The following C1orf116 variants were observed in gnomAD, a reference collection of about 807,000 sequenced individuals.
C1orf116 encodes the protein specifically androgen-regulated gene protein.
Under a neutral mutation model 14.1 loss-of-function variants are expected in C1orf116, and 12 were observed. The ratio of observed to expected loss-of-function variants is 0.85; its 90% CI spans 0.54 to 1.38. The LOEUF (loss-of-function observed/expected upper bound fraction) is 1.38, where lower values mean the gene tolerates loss of function less well. Ranked by LOEUF, C1orf116 falls within the 40% of genes most tolerant of loss-of-function variation. The pLI, the probability that C1orf116 is intolerant of heterozygous loss-of-function variation, is 0.00. For missense variants in C1orf116, 797 were observed against 747.0 expected (o/e 1.07, Z -0.78); for synonymous variants, 296 against 299.0 (o/e 0.99, Z 0.10).
At position 207,020,641 on chromosome 1, in the gene C1orf116, A is replaced by G. The variant is rs759161304; in HGVS notation, c.*1317T>C. ...GGGAGAGGTGTTCTGGTTAATGATG[A>G]GTTACCATATAGCTATCTTCCAAAG... On this transcript the variant is annotated 3_prime_UTR_variant, in exon 4 of 4. Transcript: ENST00000359470. The G allele has an allele frequency of 1.3e-5, 2 of 152,188 alleles. No individual in the cohort carries two copies. Among genetic ancestry groups the G allele is most frequent in the Non-Finnish European group, 2.9e-5 (2 of 68,036 alleles). 9.4% of individuals were successfully genotyped at this position (152,188 alleles called of 1,614,324 possible).
At chr1:207,024,724 G>A (rs570374607) in intron 3 of C1orf116, among the ~76,000 whole-genome samples, 163 bp downstream of exon 3, 28 of 152,302 alleles carry the variant, frequency 1.8e-4, no homozygotes, top group African/African-American at 6.5e-4. Context: ...TTCCCTCCAG[G>A]GACAAGGCTC....
At chr1:207,027,964 C>A (rs758828596) in intron 1 of C1orf116, among the ~76,000 whole-genome samples, 39 of 152,228 alleles carry the variant, frequency 2.6e-4, no homozygotes, top group Admixed American at 3.9e-4. Context: ...TCTACATTTT[C>A]ATTACTATAA....
intron 1 of C1orf116, 122 bp downstream of exon 1, chr1:207,032,457 G>T: frequency 1.6e-6 from 1 of 612,502 alleles, no homozygotes; most frequent in Non-Finnish European, 2.0e-6. Context: ...TTGAGGAACA[G>T]AGAGGAAATC....
rs115470755 is a variant in C1orf116, at chr1:207,020,085, T to C, written c.*1873A>G. On this transcript the variant is annotated 3_prime_UTR_variant, in exon 4 of 4. Transcript: ENST00000359470. ...AGCTGAATATAGCATGTGGAATCAGTCCTCCAGAAGGCAGCTTTCTCTCTT... is the reference window on the plus strand; with the variant it reads ...AGCTGAATATAGCATGTGGAATCAGCCCTCCAGAAGGCAGCTTTCTCTCTT... 1.8e-3 allele frequency: 280 copies of C among 152,302 alleles called. 4 individuals carry two copies. Among genetic ancestry groups the C allele is most frequent in the African/African-American group, 6.3e-3 (262 of 41,556 alleles). The allele number at this position is 152,302 out of a possible 1,614,324, so 9.4% of individuals were successfully genotyped here. A position where few individuals can be genotyped will look rare whatever the true frequency, so the allele number is the denominator to read the frequency against.
At chr1:207,024,787 G>A in intron 3 of C1orf116, 100 bp downstream of exon 3, 1 of 1,391,488 alleles carries the variant, frequency 7.2e-7, no homozygotes, top group Non-Finnish European at 1.0e-6. Flanking sequence ...TTCTGCCTGT[G>A]ACCCTTGGGG....
Position 207,027,519 on chromosome 1 carries a change from C to G in C1orf116, c.80G>C (p.Ser27Thr), listed in dbSNP as rs201349348. The G allele has an allele frequency of 2.0e-5, 32 of 1,613,788 alleles. No homozygotes were observed. Among genetic ancestry groups the G allele is most frequent in the Non-Finnish European group, 2.5e-5 (30 of 1,180,022 alleles). The change falls in exon 2 of 4, where the codon AGC becomes ACC. Residue 27 changes from serine to threonine, a missense_variant. By Grantham distance (58) the Ser-to-Thr change is moderately conservative. Coordinates refer to ENST00000359470, the MANE Select transcript of C1orf116 (RefSeq NM_023938.6). ...TRVGSCDSMMSSTSTRSGSSD... is the reference protein window; with the variant it reads ...TRVGSCDSMMTSTSTRSGSSD... ...AGATCCAGAGCGGGTGGAGGTGCTG[C>G]TCATCATGCTGTCACAGCTGCCGAC...
Position 207,027,506 on chromosome 1 carries a change from G to C in C1orf116, c.93C>G (p.Thr31=). ...SCDSMMSSTS[T]RSGSSDSSYD... ...GAGTATTACGTACAGATCCAGAGCG[G>C]GTGGAGGTGCTGCTCATCATGCTGT... The change falls in exon 2 of 4, where the codon ACC becomes ACG. Residue 31 remains threonine (T), a synonymous_variant. Transcript: ENST00000359470. 2 of 1,613,954 alleles carry C rather than the reference G, an allele frequency of 1.2e-6. No homozygotes were observed. The highest frequency in any genetic ancestry group is 2.2e-5 in the South Asian group (2 of 91,082).
rs201860382 is a variant in C1orf116, at chr1:207,023,164, C to T, written c.600G>A (p.Pro200=). 50 of 1,610,350 alleles carry T rather than the reference C, an allele frequency of 3.1e-5. No individual in the cohort carries two copies. In the East Asian group the frequency reaches 6.7e-4, roughly 22 times the overall value. The change falls in exon 4 of 4, where the codon CCG becomes CCA. Residue 200 remains proline (P), a synonymous_variant. Coordinates refer to ENST00000359470, the MANE Select transcript of C1orf116 (RefSeq NM_023938.6). ...ALDLDVVLIP[P]PEAFRDTQPE... ...GCTGGGTGTCCCGGAAAGCTTCTGG[C>T]GGAGGGATGAGCACCACGTCCAAGT...
Position 207,022,844 on chromosome 1 carries a change from A to G in C1orf116, c.920T>C (p.Leu307Pro), listed in dbSNP as rs772472350. The change falls in exon 4 of 4, where the codon CTG becomes CCG. Residue 307 changes from leucine to proline, a missense_variant. By Grantham distance (98) the Leu-to-Pro change is moderately conservative. Coordinates refer to ENST00000359470, the MANE Select transcript of C1orf116 (RefSeq NM_023938.6). Reference sequence around the variant, plus strand: ...GTGGAAACTGCTTCGGCTGCTCTTCAGAACAATATTAGGTGGCAGCTTCCG... The same window carrying G: ...GTGGAAACTGCTTCGGCTGCTCTTCGGAACAATATTAGGTGGCAGCTTCCG... ...KPRKLPPNIV[L>P]KSSRSSFHSD... 6.2e-7 allele frequency: 1 copy of G among 1,614,040 alleles called. No homozygotes were observed. Among genetic ancestry groups the G allele is most frequent in the Non-Finnish European group, 8.5e-7 (1 of 1,179,992 alleles).
chr1:207,027,653 G>T lies in C1orf116; in HGVS notation c.-55C>A. 6.3e-7 allele frequency: 1 copy of T among 1,597,534 alleles called. No homozygotes were observed. Among genetic ancestry groups the T allele is most frequent in the Non-Finnish European group, 8.5e-7 (1 of 1,175,692 alleles). On this transcript the variant is annotated 5_prime_UTR_variant, in exon 2 of 4. Coordinates refer to ENST00000359470, the MANE Select transcript of C1orf116 (RefSeq NM_023938.6). Reference sequence around the variant, plus strand: ...GGGGGCTTCTAGAGGGGAAGCGAGGGGAAGTGAACAATGTCCCAAGCCGGG... The same window carrying T: ...GGGGGCTTCTAGAGGGGAAGCGAGGTGAAGTGAACAATGTCCCAAGCCGGG...
In C1orf116 at chr1:207,022,538, G is replaced by C; in HGVS notation, c.1226C>G (p.Ala409Gly). 6.2e-7 allele frequency: 1 copy of C among 1,614,148 alleles called. No individual in the cohort carries two copies. Among genetic ancestry groups the C allele is most frequent in the Non-Finnish European group, 8.5e-7 (1 of 1,179,984 alleles). The change falls in exon 4 of 4, where the codon GCT becomes GGT. Residue 409 changes from alanine (A) to glycine (G), a missense_variant. Ala to Gly is a moderately conservative substitution (Grantham distance 60, BLOSUM62 0). Transcript: ENST00000359470. ...AGCTGGAGCCGGAGCTTGAGCCAGA[G>C]CCTTCCCAGCAGCAGGAATAGCTGC... ...ASAAIPAAGK[A>G]LAQAPAPAPG...
At chr1:207,025,172 T>G in intron 2 of C1orf116, 108 bp from the exon 3 acceptor site, 1 of 837,202 alleles carries the variant, frequency 1.2e-6, no homozygotes, top group Non-Finnish European at 1.9e-6. Flanking sequence ...CCGCAGAAAC[T>G]GGCGGGGCCT....
chr1:207,027,150 G>C (rs1224782215), intron 2 of C1orf116, among the ~76,000 whole-genome samples: 1 of 152,200 alleles, frequency 6.6e-6, no homozygotes, highest in Non-Finnish European at 1.5e-5. Flanking sequence ...GCTCATTGCA[G>C]AGAACTTCAA....
At position 207,023,269 on chromosome 1, in the gene C1orf116, C is replaced by T. The variant is rs778219670; in HGVS notation, c.495G>A (p.Ala165=). The change falls in exon 4 of 4, where the codon GCG becomes GCA. Residue 165 remains alanine (A), a synonymous_variant. Transcript: ENST00000359470. ...SHNPGEPGRL[A]PEPEKEQVSQ... Reference sequence around the variant, plus strand: ...TGACCTGTTCTTTCTCAGGCTCTGGCGCAAGCCTCCCCGGTTCTCCAGGGT... The same window carrying T: ...TGACCTGTTCTTTCTCAGGCTCTGGTGCAAGCCTCCCCGGTTCTCCAGGGT... 2.7e-5 allele frequency: 44 copies of T among 1,613,628 alleles called. No individual in the cohort carries two copies. Among genetic ancestry groups the T allele is most frequent in the South Asian group, 2.6e-4 (24 of 91,036 alleles).
chr1:207,025,081 TG>T lies in C1orf116; in HGVS notation c.106-18del. 2 of 51,910 alleles carry T rather than the reference TG, an allele frequency of 3.9e-5. No homozygotes were observed. The highest frequency in any genetic ancestry group is 6.0e-5 in the Non-Finnish European group (2 of 33,176). 3.2% of individuals were successfully genotyped at this position (51,910 alleles called of 1,614,324 possible). On this transcript the variant is annotated intron_variant, in intron 2 of 3. Coordinates refer to ENST00000359470, the MANE Select transcript of C1orf116 (RefSeq NM_023938.6). ...GCTATCACTCTGTTGGGTTTGGGGT[TG>T]GGGGCGGGGGCGGGGAGGCGGGGGG...
chr1:207,028,764 G>A (rs1558046920), intron 1 of C1orf116, among the ~76,000 whole-genome samples: 1 of 152,216 alleles, frequency 6.6e-6, no homozygotes, highest in African/African-American at 2.4e-5. Context: ...CTCCACTGGA[G>A]ATGGCAGGCC....
rs1036978064 is a variant in C1orf116, at chr1:207,019,090, C to G, written c.*2868G>C. ...GCCCATCCCCAGCCTACAGGGCGGC[C>G]CCTGCCAGATCATGCTTCCCACTGT... On this transcript the variant is annotated 3_prime_UTR_variant, in exon 4 of 4. Coordinates refer to ENST00000359470, the MANE Select transcript of C1orf116 (RefSeq NM_023938.6). 6.6e-6 allele frequency: 1 copy of G among 152,328 alleles called. No homozygotes were observed. The highest frequency in any genetic ancestry group is 1.5e-5 in the Non-Finnish European group (1 of 68,114). 9.4% of individuals were successfully genotyped at this position (152,328 alleles called of 1,614,324 possible).
intron 1 of C1orf116, among the ~76,000 whole-genome samples, chr1:207,031,449 A>G (rs755502683): frequency 3.3e-5 from 5 of 152,150 alleles, no homozygotes; most frequent in Non-Finnish European, 5.9e-5. Context: ...GGTGAGCTCA[A>G]GCCTAAATCT....
At chr1:207,028,048 C>T (rs925231763) in intron 1 of C1orf116, among the ~76,000 whole-genome samples, 3 of 152,178 alleles carry the variant, frequency 2.0e-5, no homozygotes, top group African/African-American at 7.2e-5. Flanking sequence ...CCAGTTTAGC[C>T]ATTTACAGTT....
Sources: allele counts gnomAD v4.1 joint callset (sites outside exome capture counted in the v4.1 genomes callset), GRCh38; gene constraint gnomAD v4.1.1; transcripts MANE v1.5; gene names NCBI Gene and HGNC (gene_info 2026-07-23, HGNC 2026-07-21).